The following AOPEP variants were observed in gnomAD, a reference collection of about 807,000 sequenced individuals.
AOPEP encodes the protein aminopeptidase O (putative), also known as aminopeptidase O.
Under a neutral mutation model 98.1 loss-of-function variants are expected in AOPEP, and 77 were observed. That is an observed-to-expected ratio of 0.78 (90% CI 0.65 to 0.95). The LOEUF is 0.95. Ranked by LOEUF, AOPEP falls within the 40% of genes least tolerant of loss-of-function variation. AOPEP has a pLI of 0.00. For missense variants in AOPEP, 1,024 were observed against 1,024.7 expected (o/e 1.00, Z 0.01); for synonymous variants, 346 against 365.3 (o/e 0.95, Z 0.60).
intron 5 of AOPEP, among the ~76,000 whole-genome samples, chr9:94,881,919 A>G (rs1454439943): frequency 3.9e-5 from 6 of 152,162 alleles, no homozygotes; most frequent in Non-Finnish European, 8.8e-5. Context: ...GGTTGGCTCC[A>G]TTCTGCAGCT....
intron 7 of AOPEP, among the ~76,000 whole-genome samples, chr9:94,947,075 C>T (rs1717921522): frequency 6.7e-6 from 1 of 150,374 alleles, no homozygotes; most frequent in Admixed American, 6.6e-5. Context: ...CTCCTGGGTT[C>T]ACGCCATTCT....
chr9:94,761,764 T>G (rs1838356677), intron 2 of AOPEP, among the ~76,000 whole-genome samples: 1 of 152,208 alleles, frequency 6.6e-6, no homozygotes. Context: ...GCAGGGTTGG[T>G]GCAAACTTAC....
the AOPEP span, among the ~76,000 whole-genome samples, chr9:95,134,785 C>T: frequency 3.3e-5 from 5 of 152,348 alleles, no homozygotes; most frequent in Admixed American, 2.6e-4. Context: ...TGGATGTCCA[C>T]GTGGGCTGGA....
intron 5 of AOPEP, among the ~76,000 whole-genome samples, chr9:94,824,953 A>G (rs1854171222): frequency 6.7e-6 from 1 of 149,952 alleles, no homozygotes. Context: ...GGCTGTTTCA[A>G]TTTAACAGAA....
At chr9:94,819,943 A>G (rs1159045699) in intron 5 of AOPEP, among the ~76,000 whole-genome samples, 3 of 74,548 alleles carry the variant, frequency 4.0e-5, no homozygotes, top group Non-Finnish European at 8.7e-5. Context: ...CTTTAGTGCA[A>G]TTCTTTTTTT....
At chr9:94,923,180 G>A (rs376077218) in intron 5 of AOPEP, among the ~76,000 whole-genome samples, 8 of 152,218 alleles carry the variant, frequency 5.3e-5, no homozygotes, top group East Asian at 1.9e-4. Flanking sequence ...GGCCTCTTTC[G>A]TCAGCTCCCC....
chr9:94,764,533 A>G (rs944120095), intron 2 of AOPEP, among the ~76,000 whole-genome samples: 8 of 152,204 alleles, frequency 5.3e-5, no homozygotes, highest in Admixed American at 2.6e-4. Flanking sequence ...CTGTAGTCCC[A>G]GCCACTTGGG....
chr9:95,088,176 G>T (rs1186299784), downstream of AOPEP, among the ~76,000 whole-genome samples: 2 of 151,872 alleles, frequency 1.3e-5, no homozygotes, highest in African/African-American at 4.8e-5. Flanking sequence ...TAGAATGAAC[G>T]ATGCTTTCTC....
At chr9:95,031,920 C>G (rs1033169926) in intron 13 of AOPEP, among the ~76,000 whole-genome samples, 1 of 152,202 alleles carries the variant, frequency 6.6e-6, no homozygotes, top group African/African-American at 2.4e-5. Context: ...CCCGCCTCTT[C>G]TTTTGATTAC....
intron 1 of AOPEP, among the ~76,000 whole-genome samples, chr9:94,745,564 C>G (rs920847250): frequency 1.3e-5 from 2 of 152,148 alleles, no homozygotes; most frequent in Admixed American, 6.5e-5. Flanking sequence ...CGTGAGCCAC[C>G]GTGCCCGGCA....
the AOPEP span, chr9:95,107,378 G>A: frequency 1.7e-6 from 2 of 1,196,654 alleles, no homozygotes; most frequent in South Asian, 1.3e-5. Flanking sequence ...GTAAGCACTG[G>A]CCCCTGAGAG....
chr9:94,926,082 G>A (rs970874329), intron 6 of AOPEP, among the ~76,000 whole-genome samples: 4 of 152,110 alleles, frequency 2.6e-5, no homozygotes, highest in Non-Finnish European at 2.9e-5. Context: ...TCAGATTCGC[G>A]CTGGTCCTGG....
the AOPEP span, among the ~76,000 whole-genome samples, chr9:95,108,240 C>T: frequency 6.6e-6 from 1 of 152,326 alleles, no homozygotes; most frequent in East Asian, 1.9e-4. Context: ...AATACAAGAC[C>T]GTGAGAAACT....
intron 5 of AOPEP, 149 bp downstream of exon 5, chr9:94,801,151 G>A: frequency 1.1e-6 from 1 of 921,412 alleles, no homozygotes; most frequent in East Asian, 2.4e-5. Context: ...TTGCTGCCTT[G>A]AGGGACAATT....
At chr9:94,924,602 T>C (rs1286986984) in intron 6 of AOPEP, among the ~76,000 whole-genome samples, 1 of 152,116 alleles carries the variant, frequency 6.6e-6, no homozygotes, top group Non-Finnish European at 1.5e-5. Context: ...GTGTTTTAAA[T>C]AAAGAGATTA....
chr9:94,906,482 T>TAATAATAAA (rs1367536683), intron 5 of AOPEP, among the ~76,000 whole-genome samples: 2 of 95,380 alleles, frequency 2.1e-5, no homozygotes, highest in Non-Finnish European at 3.0e-5. Flanking sequence ...ATAATAATAA[T>TAATAATAAA]AAAAAAACAG....
intron 13 of AOPEP, among the ~76,000 whole-genome samples, chr9:95,042,243 C>G (rs1238370445): frequency 6.6e-6 from 1 of 151,886 alleles, no homozygotes; most frequent in Admixed American, 6.6e-5. Flanking sequence ...ACCCAGGAGG[C>G]AGAGCTTGCA....
Position 94,976,799 on chromosome 9 carries a change from T to C in AOPEP, c.1917-2568T>C, listed in dbSNP as rs149928713. Among the ~76,000 whole-genome samples, 971 of 152,286 alleles carry C rather than the reference T, an allele frequency of 6.4e-3. 12 individuals carry two copies. The highest frequency in any genetic ancestry group is 0.02 in the African/African-American group (830 of 41,552). On this transcript the variant is annotated intron_variant, in intron 10 of 16. Transcript: ENST00000375315. ...CTCCCACCTCAGCCTCCCAAATAGC[T>C]GGGACTATATGCACATGCCACCATG... is the stretch of plus-strand genomic sequence containing the variant.
intron 3 of AOPEP, among the ~76,000 whole-genome samples, chr9:94,786,673 C>T (rs770852216): frequency 1.3e-5 from 2 of 152,180 alleles, no homozygotes; most frequent in Non-Finnish European, 2.9e-5. Flanking sequence ...AATGAGGATA[C>T]TAGAAACATC....
Sources: allele counts gnomAD v4.1 joint callset (sites outside exome capture counted in the v4.1 genomes callset), GRCh38; gene constraint gnomAD v4.1.1; transcripts MANE v1.5; gene names NCBI Gene and HGNC (gene_info 2026-07-23, HGNC 2026-07-21).